CDK13: variants seen among roughly 807,000 people sequenced by gnomAD.
The protein encoded by CDK13 is cyclin dependent kinase 13.
In CDK13, 40 loss-of-function variants were observed where a neutral mutation model predicts 137.6. The observed-to-expected ratio is 0.29, with a 90% CI of 0.23 to 0.38. The LOEUF (loss-of-function observed/expected upper bound fraction) is 0.38. CDK13 is among the 10% of genes least tolerant of loss of function. CDK13 has a pLI of 1.00. For synonymous variants in CDK13, 869 were observed against 760.1 expected (o/e 1.14, Z -2.36); for missense variants, 1,704 against 1,951.8 (o/e 0.87, Z 2.39).
intron 5 of CDK13, among the ~76,000 whole-genome samples, chr7:40,027,655 C>CTTTTTTTTTT (rs761581418): frequency 1.1e-5 from 1 of 89,714 alleles, no homozygotes; most frequent in Non-Finnish European, 2.1e-5. Flanking sequence ...CACCCTTGGG[C>CTTTTTTTTTT]TTTTTTTTTT....
At chr7:40,066,108 G>T (rs922079887) in intron 9 of CDK13, among the ~76,000 whole-genome samples, 5 of 152,178 alleles carry the variant, frequency 3.3e-5, no homozygotes, top group African/African-American at 1.2e-4. Flanking sequence ...TCGTGAAGCT[G>T]AGGTGAGAGG....
chr7:40,094,046 ACT>A, intron 13 of CDK13, 82 bp from the exon 14 acceptor site: 1 of 1,464,764 alleles, frequency 6.8e-7, no homozygotes, highest in South Asian at 1.3e-5. Context: ...CATCTTTAGA[ACT>A]ACCTACAGGA....
At chr7:39,990,811 A>T (rs1422249272) in intron 2 of CDK13, among the ~76,000 whole-genome samples, 4 of 152,236 alleles carry the variant, frequency 2.6e-5, no homozygotes, top group Non-Finnish European at 4.4e-5. Flanking sequence ...TGATGGACTG[A>T]ATTTTGCAAG....
chr7:40,015,923 A>G (rs1454139808), intron 5 of CDK13, among the ~76,000 whole-genome samples: 1 of 152,200 alleles, frequency 6.6e-6, no homozygotes, highest in Non-Finnish European at 1.5e-5. Flanking sequence ...GTGAAACTCA[A>G]GAGCAGATAA....
intron 1 of CDK13, among the ~76,000 whole-genome samples, chr7:39,958,743 T>G (rs544168565): frequency 1.9e-4 from 29 of 152,340 alleles, no homozygotes; most frequent in African/African-American, 6.5e-4. Flanking sequence ...AAATTTTTTT[T>G]TGTGTATTTG....
At chr7:39,994,642 T>G (rs1013220365) in intron 2 of CDK13, among the ~76,000 whole-genome samples, 3 of 152,168 alleles carry the variant, frequency 2.0e-5, no homozygotes, top group Non-Finnish European at 4.4e-5. Context: ...CTTAGAACTT[T>G]TGCTTTTTTA....
At position 40,094,290 on chromosome 7, in the gene CDK13, T is replaced by C. The variant is rs753019820; in HGVS notation, c.3849T>C (p.His1283=). The change falls in exon 14 of 14, where the codon CAT becomes CAC. Residue 1283 remains histidine (H), a synonymous_variant. Coordinates refer to ENST00000181839, the MANE Select transcript of CDK13 (RefSeq NM_003718.5). The part of the protein sequence containing the change: ...EDLDYRTENQ[H]VPTTSSSLTD... ...TAGATTATCGGACAGAAAACCAGCA[T>C]GTACCCACCACCAGTTCTTCATTAA... 3.7e-6 allele frequency: 6 copies of C among 1,612,988 alleles called. No individual in the cohort carries two copies. The highest frequency in any genetic ancestry group is 1.7e-4 in the Middle Eastern group (1 of 6,046).
chr7:40,086,711 A>G (rs1456645708), intron 11 of CDK13, among the ~76,000 whole-genome samples: 1 of 152,134 alleles, frequency 6.6e-6, no homozygotes, highest in African/African-American at 2.4e-5. Flanking sequence ...CGTCTGTAGC[A>G]TCAGTTTAAT....
rs1465225798 is a variant in CDK13 at position 39,950,874 on chromosome 7, C to T, written c.233C>T (p.Ser78Phe). The T allele has an allele frequency of 8.1e-6, 11 of 1,364,766 alleles. No individual in the cohort carries two copies. Among genetic ancestry groups the T allele is most frequent in the African/African-American group, 1.5e-5 (1 of 65,274 alleles). The allele number at this position is 1,364,766 out of a possible 1,614,324, so 84.5% of individuals were successfully genotyped here. Residue 78 changes from serine (S) to phenylalanine (F), a missense_variant, in exon 1 of 14, where the codon TCC (serine) becomes TTC (phenylalanine). By Grantham distance (155) the Ser-to-Phe change is radical (BLOSUM62 -2). Coordinates refer to ENST00000181839, the MANE Select transcript of CDK13 (RefSeq NM_003718.5). ...GCAGCCGCCGCCGCCGCGGCCTCCT[C>T]CTCTTGCTTCAGCCCGGGCCCCCCT... is the stretch of plus-strand genomic sequence containing the variant. ...AAAAAAAAAS[S>F]SCFSPGPPLE...
chr7:40,003,943 A>G (rs1784746533), intron 5 of CDK13, among the ~76,000 whole-genome samples: 3 of 152,142 alleles, frequency 2.0e-5, no homozygotes, highest in Non-Finnish European at 4.4e-5. Flanking sequence ...ACGTATAGAC[A>G]CAGACAATTT....
chr7:39,999,230 T>C, intron 3 of CDK13, 131 bp from the exon 4 acceptor site: 1 of 643,450 alleles, frequency 1.6e-6, no homozygotes, highest in East Asian at 3.0e-5. Flanking sequence ...TTGGGATAGA[T>C]GATGATAAAT....
chr7:40,084,940 T>A (rs1170777799), intron 11 of CDK13, among the ~76,000 whole-genome samples: 1 of 152,244 alleles, frequency 6.6e-6, no homozygotes, highest in Non-Finnish European at 1.5e-5. Context: ...AAAGTTTGGT[T>A]ATCTGGAAGA....
intron 5 of CDK13, among the ~76,000 whole-genome samples, chr7:40,006,170 T>C (rs1275469809): frequency 1.3e-5 from 2 of 152,208 alleles, no homozygotes; most frequent in East Asian, 3.8e-4. Flanking sequence ...ATTTTTAATC[T>C]TTTATTGTTA....
intron 1 of CDK13, among the ~76,000 whole-genome samples, chr7:39,980,210 A>G (rs976219710): frequency 6.6e-6 from 1 of 152,194 alleles, no homozygotes; most frequent in African/African-American, 2.4e-5. Context: ...GGAACTGGGA[A>G]ACTAGATTTC....
rs558256893 is a variant in CDK13 at position 39,951,100 on chromosome 7, C to T, written c.459C>T (p.Ser153=). The T allele has an allele frequency of 8.8e-6, 11 of 1,248,996 alleles. No homozygotes were observed. In the East Asian group the frequency reaches 2.8e-4, roughly 32 times the overall value. 77.4% of individuals were successfully genotyped at this position (1,248,996 alleles called of 1,614,324 possible). ...LVEYEDVSSQ[S]EQGLLLGGAS... ...AATACGAGGATGTGAGCTCCCAGTC[C>T]GAGCAGGGGCTGCTGCTGGGGGGGG... The change falls in exon 1 of 14, where the codon TCC becomes TCT. Residue 153 remains serine (S), a synonymous_variant. Transcript: ENST00000181839.
rs976319927 is a variant in CDK13 at position 40,039,434 on chromosome 7, AT to A, written c.2354-6379del. Among the ~76,000 whole-genome samples the A allele has an allele frequency of 9.3e-3, 789 of 84,978 alleles. 6 individuals carry two copies. Among genetic ancestry groups the A allele is most frequent in the Middle Eastern group, 0.025 (2 of 80 alleles). The allele number at this position is 84,978 out of a possible 152,430, so 55.7% of individuals were successfully genotyped here. ...AGGTGCCCACGACCATGCCCGGCTA[AT>A]TTTTTTTTTTTTTTTTTTTTTTGCG... On this transcript the variant is annotated intron_variant, in intron 5 of 13. Transcript: ENST00000181839.
In CDK13 at chr7:39,951,705, T is replaced by A. The variant is rs764014601; in HGVS notation, c.1064T>A (p.Leu355Gln). 47 of 1,467,606 alleles carry A rather than the reference T, an allele frequency of 3.2e-5. No individual in the cohort carries two copies. The highest frequency in any genetic ancestry group is 4.0e-5 in the Non-Finnish European group (45 of 1,119,216). 90.9% of individuals were successfully genotyped at this position (1,467,606 alleles called of 1,614,324 possible). A position where few individuals can be genotyped will look rare whatever the true frequency, so the allele number is the denominator to read the frequency against. Residue 355 changes from leucine to glutamine, a missense_variant, in exon 1 of 14, where the codon CTG becomes CAG. Around this residue, in one of 5 missense-constraint regions of CDK13, gnomAD observed 1,051 missense variants for 931.0 expected, o/e 1.13. Coordinates refer to ENST00000181839, the MANE Select transcript of CDK13 (RefSeq NM_003718.5). ...GGGSSPYSRRLPRSPSPYSRR... is the reference protein window; with the variant it reads ...GGGSSPYSRRQPRSPSPYSRR... ...GGCAGCAGCCCCTATTCTCGGCGGC[T>A]GCCGCGCTCCCCGAGCCCCTACAGT... is the stretch of plus-strand genomic sequence containing the variant.
intron 9 of CDK13, chr7:40,067,558 T>TA (rs1786307667): frequency 6.9e-6 from 1 of 144,542 alleles, no homozygotes; most frequent in South Asian, 2.3e-4. Flanking sequence ...AATAAATAAA[T>TA]AAACTACATA....
chr7:40,019,534 T>C (rs919005757), intron 5 of CDK13, among the ~76,000 whole-genome samples: 2 of 152,206 alleles, frequency 1.3e-5, no homozygotes, highest in Non-Finnish European at 2.9e-5. Flanking sequence ...GACCTCATTC[T>C]TTTCTTTCAA....
Sources: allele counts gnomAD v4.1 joint callset (sites outside exome capture counted in the v4.1 genomes callset), GRCh38; gene constraint gnomAD v4.1.1; regional missense constraint gnomAD v4.1.1; transcripts MANE v1.5; gene names NCBI Gene and HGNC (gene_info 2026-07-23, HGNC 2026-07-21).